Variants in LINGO2 observed in about 807,000 individuals in gnomAD.
LINGO2 encodes the protein leucine-rich repeat and immunoglobulin-like domain-containing nogo receptor-interacting protein 2.
Under a neutral mutation model 30.6 loss-of-function variants are expected in LINGO2, and 14 were observed. The observed-to-expected ratio is 0.46, with a 90% CI of 0.30 to 0.72. The LOEUF (loss-of-function observed/expected upper bound fraction) is 0.72, where lower values mean the gene tolerates loss of function less well. Ranked by LOEUF, LINGO2 falls within the 30% of genes least tolerant of loss-of-function variation. LINGO2 has a pLI of 0.07. For synonymous variants in LINGO2, 317 were observed against 288.5 expected (o/e 1.10, Z -1.00); for missense variants, 729 against 751.7 (o/e 0.97, Z 0.35).
At chr9:28,027,309 G>A (rs1204040761) in intron 4 of LINGO2, among the ~76,000 whole-genome samples, 3 of 152,076 alleles carry the variant, frequency 2.0e-5, no homozygotes, top group Non-Finnish European at 2.9e-5. Context: ...CCAAGATCTC[G>A]CAAGTGGTGG....
intron 2 of LINGO2, among the ~76,000 whole-genome samples, chr9:28,416,198 C>T (rs983932462): frequency 6.6e-6 from 1 of 151,980 alleles, no homozygotes; most frequent in Non-Finnish European, 1.5e-5. Context: ...ACAAGTAAAG[C>T]CAGAAAATTA....
the LINGO2 span, among the ~76,000 whole-genome samples, chr9:28,932,329 C>T: frequency 2.6e-5 from 4 of 151,810 alleles, no homozygotes; most frequent in Admixed American, 2.0e-4. Context: ...ATTATTTTAA[C>T]CTTCCTTTAT....
intron 2 of LINGO2, among the ~76,000 whole-genome samples, chr9:28,469,610 C>G (rs1825443056): frequency 6.6e-6 from 1 of 152,040 alleles, no homozygotes; most frequent in East Asian, 1.9e-4. Context: ...CTTGATAAAC[C>G]TATCATTGAA....
At chr9:28,793,243 A>AC in the LINGO2 span, among the ~76,000 whole-genome samples, 1 of 152,144 alleles carries the variant, frequency 6.6e-6, no homozygotes, top group Non-Finnish European at 1.5e-5. Flanking sequence ...TATTTTTTAA[A>AC]TTTTTTTGAG....
the LINGO2 span, among the ~76,000 whole-genome samples, chr9:29,040,390 T>A: frequency 1.3e-5 from 2 of 152,054 alleles, no homozygotes; most frequent in Non-Finnish European, 2.9e-5. Flanking sequence ...AGAATTTTTA[T>A]AAGTTTACAA....
At chr9:28,884,092 A>C in the LINGO2 span, among the ~76,000 whole-genome samples, 11 of 130,638 alleles carry the variant, frequency 8.4e-5, no homozygotes, top group African/African-American at 3.1e-4. Flanking sequence ...TAATCCCTGG[A>C]GAATAGCGCA....
At chr9:28,297,797 C>T (rs1046214872) in intron 3 of LINGO2, among the ~76,000 whole-genome samples, 5 of 152,188 alleles carry the variant, frequency 3.3e-5, no homozygotes, top group African/African-American at 1.2e-4. Context: ...TTTGATAGTA[C>T]AATAACATCT....
At chr9:28,049,596 T>A (rs1374581195) in intron 4 of LINGO2, among the ~76,000 whole-genome samples, 1 of 150,702 alleles carries the variant, frequency 6.6e-6, no homozygotes, top group African/African-American at 2.5e-5. Flanking sequence ...TTTTACCGCT[T>A]ATTAGCTTAT....
At position 28,149,732 on chromosome 9, in the gene LINGO2, G is replaced by A. The variant is rs368028132; in HGVS notation, c.-86-137327C>T. 1.7e-4 allele frequency among the ~76,000 whole-genome samples: 25 copies of A among 149,116 alleles called. No homozygotes were observed. The East Asian group carries it at 4.1e-3, about 24-fold the overall frequency. On this transcript the variant is annotated intron_variant, in intron 4 of 5. Coordinates refer to ENST00000379992, the Ensembl canonical transcript of LINGO2. ...CTGCCCTGTCTTGGAAGTGAGGAGC[G>A]CCTCTGCCCAGCTGCCCACCGTCTG... is the stretch of plus-strand genomic sequence containing the variant.
chr9:28,884,011 T>C, the LINGO2 span, among the ~76,000 whole-genome samples: 129,337 of 151,808 alleles, frequency 0.85, 55,268 homozygotes, highest in Non-Finnish European at 0.89. Flanking sequence ...TATATTAATA[T>C]ACTTATTATA....
chr9:29,000,900 A>G, the LINGO2 span, among the ~76,000 whole-genome samples: 1 of 151,994 alleles, frequency 6.6e-6, no homozygotes, highest in South Asian at 2.1e-4. Flanking sequence ...GTGTATTTCA[A>G]ACTGTAAGTT....
the LINGO2 span, among the ~76,000 whole-genome samples, chr9:29,023,698 A>G: frequency 6.6e-6 from 1 of 152,148 alleles, no homozygotes; most frequent in African/African-American, 2.4e-5. Flanking sequence ...AAAAATATTT[A>G]CATGGCTTAA....
the LINGO2 span, among the ~76,000 whole-genome samples, chr9:28,794,609 T>G: frequency 6.6e-6 from 1 of 152,180 alleles, no homozygotes; most frequent in African/African-American, 2.4e-5. Flanking sequence ...TACCTTCATT[T>G]TCTTAAAAAT....
chr9:29,102,142 C>T, the LINGO2 span, among the ~76,000 whole-genome samples: 35,491 of 150,716 alleles, frequency 0.24, 4,307 homozygotes, highest in East Asian at 0.4. Context: ...AGAGCAGTGG[C>T]GCAATTTTGG....
chr9:28,738,337 A>T, the LINGO2 span, among the ~76,000 whole-genome samples: 3 of 152,278 alleles, frequency 2.0e-5, no homozygotes, highest in South Asian at 6.2e-4. Flanking sequence ...CAACCAAATA[A>T]ACCATATTAA....
At chr9:28,044,373 A>AACAT in intron 4 of LINGO2, among the ~76,000 whole-genome samples, 1 of 152,184 alleles carries the variant, frequency 6.6e-6, no homozygotes, top group African/African-American at 2.4e-5. Context: ...AAATCATGTT[A>AACAT]GATTTCAACT....
intron 2 of LINGO2, among the ~76,000 whole-genome samples, chr9:28,398,646 C>G (rs1046128415): frequency 1.4e-4 from 22 of 151,778 alleles, no homozygotes; most frequent in Admixed American, 7.2e-4. Flanking sequence ...AAGTAGAAAC[C>G]TATACTAGAT....
intron 1 of LINGO2, among the ~76,000 whole-genome samples, chr9:28,601,533 C>T (rs1281963819): frequency 6.6e-6 from 1 of 151,534 alleles, no homozygotes; most frequent in Non-Finnish European, 1.5e-5. Context: ...ATCAGAGTGT[C>T]ACTCAATCAG....
At chr9:28,344,786 A>T (rs1819501731) in intron 3 of LINGO2, among the ~76,000 whole-genome samples, 3 of 152,094 alleles carry the variant, frequency 2.0e-5, no homozygotes, top group African/African-American at 7.2e-5. Flanking sequence ...AAATTATACC[A>T]TCCATCCCAT....
Sources: allele counts gnomAD v4.1 joint callset (sites outside exome capture counted in the v4.1 genomes callset), GRCh38; gene constraint gnomAD v4.1.1; transcripts MANE v1.5; gene names NCBI Gene and HGNC (gene_info 2026-07-23, HGNC 2026-07-21).